Variants in DHX38 observed in about 807,000 individuals in gnomAD.
DHX38 encodes pre-mRNA-splicing factor ATP-dependent RNA helicase PRP16.
A neutral mutation model predicts 153.1 loss-of-function variants in DHX38; 100 were observed. The ratio of observed to expected loss-of-function variants is 0.65; its 90% CI spans 0.56 to 0.77. The LOEUF (loss-of-function observed/expected upper bound fraction) is 0.77. DHX38 is among the 30% of genes least tolerant of loss of function. DHX38 has a pLI of 0.00. For missense variants in DHX38, 1,440 were observed against 1,654.0 expected, an observed-to-expected ratio of 0.87 and a Z score of 2.24; for synonymous variants, 650 against 631.7, an observed-to-expected ratio of 1.03 and a Z score of -0.43.
rs761728672 is a variant in DHX38 at position 72,108,535 on chromosome 16, G to T, written c.3183G>T (p.Ser1061=). ...IMVQQRMSLA[S]CGTDWDIVRK... ...TGCAGCAGCGGATGAGCCTGGCCTCGTGTGGCACTGACTGGGACATCGTCA... is the reference window on the plus strand; with the variant it reads ...TGCAGCAGCGGATGAGCCTGGCCTCTTGTGGCACTGACTGGGACATCGTCA... The change falls in exon 23 of 27, where the codon TCG becomes TCT. Residue 1061 remains serine, a synonymous_variant. Coordinates refer to ENST00000268482, the MANE Select transcript of DHX38 (RefSeq NM_014003.4). The T allele has an allele frequency of 1.1e-5, 17 of 1,614,054 alleles. No individual in the cohort carries two copies. In the East Asian group the frequency reaches 2.5e-4, roughly 23 times the overall value.
In DHX38 at chr16:72,107,523, G is replaced by T; in HGVS notation, c.2784G>T (p.Trp928Cys). 1 of 1,614,022 alleles carries T rather than the reference G, an allele frequency of 6.2e-7. No homozygotes were observed. The highest frequency in any genetic ancestry group is 8.5e-7 in the Non-Finnish European group (1 of 1,179,930). ...TGCTCAACTCTATGTATCAGCTCTG[G>T]ATCCTCGGGGCCCTGGACAACACAG... ...DNMLNSMYQL[W>C]ILGALDNTGG... Residue 928 changes from tryptophan to cysteine, a missense_variant, in exon 20 of 27, where the codon TGG becomes TGT. Physicochemically the swap from Trp to Cys is radical, Grantham distance 215. This residue lies in a region of DHX38 where 543 missense variants were observed against 717.9 expected (regional missense o/e 0.76). Coordinates refer to ENST00000268482, the MANE Select transcript of DHX38 (RefSeq NM_014003.4). The surrounding 1 kb of genome is among the most constrained non-coding windows in gnomAD (Gnocchi z 5.3).
At chr16:72,098,819 T>G in intron 5 of DHX38, 27 bp downstream of exon 5, 1 of 1,613,110 alleles carries the variant, frequency 6.2e-7, no homozygotes, top group Non-Finnish European at 8.5e-7. Context: ...AGCAGCCCAG[T>G]TTCGCTGGGT....
intron 23 of DHX38, 28 bp from the exon 24 acceptor site, chr16:72,108,772 G>A (rs1362219799): frequency 1.2e-6 from 2 of 1,607,486 alleles, no homozygotes; most frequent in Non-Finnish European, 8.5e-7. Context: ...TTTTCCTGAT[G>A]TGGCTGCCTG....
chr16:72,103,045 A>G, intron 11 of DHX38, 29 bp from the exon 12 acceptor site: 3 of 1,611,964 alleles, frequency 1.9e-6, no homozygotes, highest in Non-Finnish European at 2.5e-6. Context: ...GGCACCATGC[A>G]GGGTGTTTAG....
chr16:72,098,779 C>T lies in DHX38; in HGVS notation c.751C>T (p.Arg251Ter). The T allele has an allele frequency of 1.9e-6, 3 of 1,614,130 alleles. No individual in the cohort carries two copies. Among genetic ancestry groups the T allele is most frequent in the South Asian group, 1.1e-5 (1 of 91,070 alleles). Residue 251 changes from arginine (R) to a stop codon, truncating the protein, a stop_gained, in exon 5 of 27, where the codon CGA becomes TGA. Coordinates refer to ENST00000268482, the MANE Select transcript of DHX38 (RefSeq NM_014003.4). LOFTEE classifies it high-confidence loss of function. ...TGAGCGGAGCCATCGGCTGTCCACTCGAGATCGAGACAGGTGATGTTCTGG... is the reference window on the plus strand; with the variant it reads ...TGAGCGGAGCCATCGGCTGTCCACTTGAGATCGAGACAGGTGATGTTCTGG... ...DSERSHRLST[R>*]DRDRSVRGKY...
Position 72,109,445 on chromosome 16 carries a change from G to A in DHX38, c.3412G>A (p.Gly1138Arg), listed in dbSNP as rs752404534. The A allele has an allele frequency of 2.5e-6, 4 of 1,613,412 alleles. No homozygotes were observed. The highest frequency in any genetic ancestry group is 1.1e-5 in the South Asian group (1 of 90,986). The change falls in exon 25 of 27, where the codon GGG (glycine) becomes AGG (arginine). Residue 1138 changes from glycine (G) to arginine (R), a missense_variant. Gly to Arg is a moderately radical substitution (Grantham distance 125, BLOSUM62 -2). This residue lies in a region of DHX38 where 543 missense variants were observed against 717.9 expected (regional missense o/e 0.76). Transcript: ENST00000268482. ...EYMQCVTAVD[G>R]EWLAELGPMF... ...TATGCAGTGTGTGACCGCTGTGGAC[G>A]GGGAGTGGCTGGCGGAGCTGGGCCC...
rs776292983 is a variant in DHX38 at position 72,112,368 on chromosome 16, G to A, written c.3600-45G>A. 1.2e-5 allele frequency: 19 copies of A among 1,574,694 alleles called. No individual in the cohort carries two copies. In the South Asian group the frequency reaches 1.9e-4, roughly 16 times the overall value. On this transcript the variant is annotated intron_variant, in intron 26 of 26. Coordinates refer to ENST00000268482, the MANE Select transcript of DHX38 (RefSeq NM_014003.4). ...TGCATCCTCCTGCCCTCCTGGCTGT[G>A]GGTGAGGGCACGGTGTTTCCTGATC...
At chr16:72,101,459 C>G in intron 10 of DHX38, 41 bp from the exon 11 acceptor site, 1 of 1,528,246 alleles carries the variant, frequency 6.5e-7, no homozygotes, top group Non-Finnish European at 8.9e-7. Context: ...TGCTCGCAGT[C>G]ATGTGGCAGG....
rs370793135 is a variant in DHX38 at position 72,099,043 on chromosome 16, G to T, written c.881G>T (p.Arg294Leu). 6.2e-7 allele frequency: 1 copy of T among 1,612,508 alleles called. No homozygotes were observed. Among genetic ancestry groups the T allele is most frequent in the Non-Finnish European group, 8.5e-7 (1 of 1,179,996 alleles). Residue 294 changes from arginine to leucine, a missense_variant and splice_region_variant, in exon 6 of 27, where the codon CGA (arginine) becomes CTA (leucine). Around this residue, in one of 6 missense-constraint regions of DHX38, gnomAD observed 483 missense variants for 465.1 expected, o/e 1.04. Transcript: ENST00000268482. Reference protein sequence around the residue: ...LGSTPRLSRGRGRREEGEEGI... With the variant: ...LGSTPRLSRGLGRREEGEEGI... ...TCCACCCCGCGTCTGTCCAGGGGCC[G>T]AGGTGAGGCCTGTGGGGCAGCAGGC...
At chr16:72,103,571 T>G in intron 12 of DHX38, 31 bp from the exon 13 acceptor site, 1 of 1,588,282 alleles carries the variant, frequency 6.3e-7, no homozygotes, top group South Asian at 1.1e-5. Context: ...CCACTTCGGC[T>G]GATAAGCCCT....
At position 72,104,834 on chromosome 16, in the gene DHX38, G is replaced by A. The variant is rs1368664869; in HGVS notation, c.2152-193G>A. ...GGTTTTGTTTCATTATTTCTTTGAG[G>A]CTGAAGTACAGGGCCCAGGGAGGCA... On this transcript the variant is annotated intron_variant, in intron 15 of 26. Coordinates refer to ENST00000268482, the MANE Select transcript of DHX38 (RefSeq NM_014003.4). This position sits in a 1 kb window ranked among gnomAD's most constrained non-coding sequence, Gnocchi z 4.5. Among the ~76,000 whole-genome samples, 1 of 152,180 alleles carries A rather than the reference G, an allele frequency of 6.6e-6. No homozygotes were observed. Among genetic ancestry groups the A allele is most frequent in the Non-Finnish European group, 1.5e-5 (1 of 68,034 alleles).
chr16:72,096,983 G>A lies in DHX38; in HGVS notation c.485G>A (p.Arg162Gln), dbSNP rs1158035833. ...TGGAAGAAGGAGAAATCGCGGGATC[G>A]AGACTATGACCGCAAGAGGGACAGA... Reference protein sequence around the residue: ...KDWKKEKSRDRDYDRKRDRDE... With the variant: ...KDWKKEKSRDQDYDRKRDRDE... The change falls in exon 3 of 27, where the codon CGA becomes CAA. Residue 162 changes from arginine (R) to glutamine (Q), a missense_variant. Coordinates refer to ENST00000268482, the MANE Select transcript of DHX38 (RefSeq NM_014003.4). 7.4e-6 allele frequency: 12 copies of A among 1,613,856 alleles called. No homozygotes were observed. The South Asian group carries it at 7.7e-5, about 10-fold the overall frequency.
At position 72,112,749 on chromosome 16, in the gene DHX38, GA is replaced by G; in HGVS notation, c.*253del. The G allele has an allele frequency of 1.4e-6, 1 of 703,314 alleles. No individual in the cohort carries two copies. Among genetic ancestry groups the G allele is most frequent in the Non-Finnish European group, 2.6e-6 (1 of 385,442 alleles). 43.6% of individuals were successfully genotyped at this position (703,314 alleles called of 1,614,324 possible). On this transcript the variant is annotated 3_prime_UTR_variant, in exon 27 of 27. Coordinates refer to ENST00000268482, the MANE Select transcript of DHX38 (RefSeq NM_014003.4). ...CTGCCGGGGCAGCGGGAGGTGGCTG[GA>G]CCCATCGCATCTAAAACTGGCCCAG... is the stretch of plus-strand genomic sequence containing the variant.
intron 1 of DHX38, among the ~76,000 whole-genome samples, chr16:72,095,498 T>C (rs1039350185): frequency 6.6e-6 from 1 of 152,040 alleles, no homozygotes; most frequent in Non-Finnish European, 1.5e-5. Context: ...AAAAAATGGG[T>C]GAGGGACCAA....
chr16:72,099,247 G>C lies in DHX38; in HGVS notation c.927G>C (p.Glu309Asp). Reference sequence around the variant, plus strand: ...AAGAAGGAATTTCATTTGACACGGAGGAGGAGCGGCAGCAGTGGGAAGATG... The same window carrying C: ...AAGAAGGAATTTCATTTGACACGGACGAGGAGCGGCAGCAGTGGGAAGATG... ...EGEEGISFDT[E>D]EERQQWEDDQ... is the part of the protein sequence containing the mutation. Residue 309 changes from glutamate (E) to aspartate (D), a missense_variant, in exon 7 of 27, where the codon GAG becomes GAC. Around this residue, in one of 6 missense-constraint regions of DHX38, gnomAD observed 483 missense variants for 465.1 expected, o/e 1.04. Coordinates refer to ENST00000268482, the MANE Select transcript of DHX38 (RefSeq NM_014003.4). The C allele has an allele frequency of 6.2e-7, 1 of 1,612,862 alleles. No homozygotes were observed. The highest frequency in any genetic ancestry group is 8.5e-7 in the Non-Finnish European group (1 of 1,179,658).
intron 23 of DHX38, 90 bp downstream of exon 23, chr16:72,108,697 T>C (rs1053723227): frequency 2.5e-6 from 4 of 1,586,684 alleles, no homozygotes; most frequent in South Asian, 1.1e-5. Flanking sequence ...TCTGCAGATC[T>C]GGGCTTCCGC....
In DHX38 at chr16:72,108,482, G is replaced by A. The variant is rs756873974; in HGVS notation, c.3130G>A (p.Val1044Met). ...CCGTCTCCTGCCCTAGGTCCGGGAGGTGCGAGCTCAACTCAAGGACATCAT... is the reference window on the plus strand; with the variant it reads ...CCGTCTCCTGCCCTAGGTCCGGGAGATGCGAGCTCAACTCAAGGACATCAT... ...HAKAMRKVREVRAQLKDIMVQ... is the reference protein window; with the variant it reads ...HAKAMRKVREMRAQLKDIMVQ... Residue 1044 changes from valine to methionine, a missense_variant, in exon 23 of 27, where the codon GTG (valine) becomes ATG (methionine). By Grantham distance (21) the Val-to-Met change is conservative (BLOSUM62 1). This residue lies in a region of DHX38 where 543 missense variants were observed against 717.9 expected (regional missense o/e 0.76). Transcript: ENST00000268482. 1 of 1,614,164 alleles carries A rather than the reference G, an allele frequency of 6.2e-7. No individual in the cohort carries two copies. The highest frequency in any genetic ancestry group is 1.1e-5 in the South Asian group (1 of 91,086).
chr16:72,105,417 G>A, intron 17 of DHX38, 69 bp downstream of exon 17: 3 of 1,597,870 alleles, frequency 1.9e-6, no homozygotes, highest in South Asian at 2.2e-5. Flanking sequence ...GGATGTGACT[G>A]TCCTGGCAGG....
At chr16:72,099,618 G>T in intron 7 of DHX38, 114 bp from the exon 8 acceptor site, 1 of 1,418,904 alleles carries the variant, frequency 7.0e-7, no homozygotes, top group South Asian at 1.4e-5. Context: ...CCCTCACAAG[G>T]GTAGCTCCAC....
Sources: gnomAD v4.1 joint callset for allele counts (sites outside exome capture counted in the v4.1 genomes callset) on GRCh38, gnomAD v4.1.1 for gene constraint, gnomAD v4.1.1 regional missense constraint, Gnocchi (gnomAD v3.1) non-coding constraint, MANE v1.5 for transcripts, NCBI Gene and HGNC (gene_info 2026-07-23, HGNC 2026-07-21) for gene names.